ADGRV1: variants seen among roughly 807,000 people sequenced by gnomAD.
The protein encoded by ADGRV1 is G-protein coupled receptor 98.
ADGRV1 carries 359 observed loss-of-function variants against 596.2 expected under a neutral mutation model. The ratio of observed to expected loss-of-function variants is 0.60; its 90% CI spans 0.55 to 0.66. The LOEUF (loss-of-function observed/expected upper bound fraction) is 0.66. ADGRV1 is among the 30% of genes least tolerant of loss of function. ADGRV1 has a pLI of 0.00. For synonymous variants in ADGRV1, 2,681 were observed against 2,679.2 expected, an observed-to-expected ratio of 1.00 and a Z score of -0.02; for missense variants, 7,274 against 7,575.6, an observed-to-expected ratio of 0.96 and a Z score of 1.48.
chr5:90,907,386 ATT>A (rs1013627191), intron 83 of ADGRV1, among the ~76,000 whole-genome samples: 4 of 152,172 alleles, frequency 2.6e-5, no homozygotes. Flanking sequence ...AAATCTGCTA[ATT>A]TGCTACTTAA....
chr5:91,022,306 A>G (rs978963783), intron 85 of ADGRV1, among the ~76,000 whole-genome samples: 2 of 152,016 alleles, frequency 1.3e-5, no homozygotes, highest in Admixed American at 6.6e-5. Context: ...TAAACCTAGT[A>G]TTTGTGCTAA....
At chr5:90,759,840 C>T (rs1340148651) in intron 58 of ADGRV1, 9 of 407,346 alleles carry the variant, frequency 2.2e-5, no homozygotes, top group South Asian at 1.9e-4. Flanking sequence ...TGGCACATGC[C>T]TGTATTCCCA....
intron 68 of ADGRV1, 47 bp from the exon 69 acceptor site, chr5:90,789,655 T>A: frequency 8.8e-7 from 1 of 1,142,036 alleles, no homozygotes; most frequent in Non-Finnish European, 1.3e-6. Context: ...TATAATTTCA[T>A]CCCTATTGTT....
At chr5:90,639,071 A>AAC (rs67813883) in intron 11 of ADGRV1, among the ~76,000 whole-genome samples, 2,789 of 147,996 alleles carry the variant, frequency 0.019, 78 homozygotes, top group African/African-American at 0.057. Flanking sequence ...ACCAATTTAC[A>AAC]ACACACACAC....
chr5:90,656,367 T>G (rs1418238855), intron 20 of ADGRV1, among the ~76,000 whole-genome samples: 2 of 152,116 alleles, frequency 1.3e-5, no homozygotes, highest in Non-Finnish European at 2.9e-5. Context: ...AATAAACCAT[T>G]AACTCCTAGG....
At chr5:90,700,809 C>T (rs1379167329) in intron 34 of ADGRV1, among the ~76,000 whole-genome samples, 6 of 151,908 alleles carry the variant, frequency 3.9e-5, no homozygotes, top group Non-Finnish European at 8.8e-5. Context: ...TGTTTTATCC[C>T]GTTTTCTTTT....
intron 88 of ADGRV1, among the ~76,000 whole-genome samples, 192 bp downstream of exon 88, chr5:91,150,413 A>G (rs887436101): frequency 2.0e-5 from 3 of 152,170 alleles, no homozygotes; most frequent in African/African-American, 7.2e-5. Context: ...GACCTATGGT[A>G]CTTGGTTTCC....
chr5:90,960,011 C>A (rs1036316885), intron 83 of ADGRV1, among the ~76,000 whole-genome samples: 1 of 151,786 alleles, frequency 6.6e-6, no homozygotes. Flanking sequence ...TGGTGGCGGG[C>A]ACCTGTAGTC....
At chr5:91,109,852 C>T (rs1368510175) in intron 87 of ADGRV1, among the ~76,000 whole-genome samples, 1 of 152,142 alleles carries the variant, frequency 6.6e-6, no homozygotes, top group Non-Finnish European at 1.5e-5. Context: ...ATTCTCTGAC[C>T]AACAGAAGGG....
At chr5:91,089,846 T>C (rs1233741028) in intron 86 of ADGRV1, among the ~76,000 whole-genome samples, 1 of 152,178 alleles carries the variant, frequency 6.6e-6, no homozygotes, top group African/African-American at 2.4e-5. Flanking sequence ...AAAGATGCAT[T>C]GTACATTTTC....
At chr5:90,600,106 C>T (rs1238150335) in intron 1 of ADGRV1, among the ~76,000 whole-genome samples, 4 of 152,060 alleles carry the variant, frequency 2.6e-5, no homozygotes, top group African/African-American at 9.7e-5. Context: ...CTTAGTTGGA[C>T]CATAAGTGAT....
At chr5:91,079,783 T>A (rs1393907157) in intron 86 of ADGRV1, among the ~76,000 whole-genome samples, 2 of 152,166 alleles carry the variant, frequency 1.3e-5, no homozygotes, top group Non-Finnish European at 2.9e-5. Flanking sequence ...ACAAAGGTAA[T>A]CCCCAACTCT....
chr5:90,701,003 C>T (rs768836929), intron 34 of ADGRV1, among the ~76,000 whole-genome samples: 2 of 152,050 alleles, frequency 1.3e-5, no homozygotes, highest in Non-Finnish European at 2.9e-5. Flanking sequence ...AAAATGCATT[C>T]TTCATTCATA....
chr5:90,785,213 C>T (rs376150982), intron 67 of ADGRV1, among the ~76,000 whole-genome samples: 5 of 152,106 alleles, frequency 3.3e-5, no homozygotes, highest in African/African-American at 1.2e-4. Flanking sequence ...TGTAGAAAGC[C>T]GAAACTGGAT....
intron 1 of ADGRV1, among the ~76,000 whole-genome samples, chr5:90,568,587 G>C (rs933624682): frequency 6.6e-6 from 1 of 152,178 alleles, no homozygotes; most frequent in African/African-American, 2.4e-5. Flanking sequence ...GTATTCTGCT[G>C]TTGTGGGGTG....
chr5:90,571,459 A>T (rs1336233098), intron 1 of ADGRV1, among the ~76,000 whole-genome samples: 1 of 152,164 alleles, frequency 6.6e-6, no homozygotes, highest in African/African-American at 2.4e-5. Flanking sequence ...TTAAATTTGC[A>T]ATAAATGTCT....
chr5:90,905,228 C>T (rs1772204385), intron 83 of ADGRV1, among the ~76,000 whole-genome samples: 1 of 151,890 alleles, frequency 6.6e-6, no homozygotes. Flanking sequence ...TGGGTCTTTT[C>T]TGGCTCCATA....
intron 83 of ADGRV1, among the ~76,000 whole-genome samples, chr5:90,913,859 C>T (rs1031504605): frequency 2.0e-5 from 3 of 152,150 alleles, no homozygotes; most frequent in Admixed American, 6.6e-5. Context: ...TAATTAGTTG[C>T]TCATAGATAA....
At chr5:90,933,201 T>C (rs1775405753) in intron 83 of ADGRV1, among the ~76,000 whole-genome samples, 1 of 152,134 alleles carries the variant, frequency 6.6e-6, no homozygotes, top group South Asian at 2.1e-4. Context: ...ACAAACAAAA[T>C]TTACTCATGG....
Sources: allele counts gnomAD v4.1 joint callset (sites outside exome capture counted in the v4.1 genomes callset), GRCh38; gene constraint gnomAD v4.1.1; transcripts MANE v1.5; gene names NCBI Gene and HGNC (gene_info 2026-07-23, HGNC 2026-07-21).